The following EYS variants were observed in gnomAD, a reference collection of about 807,000 sequenced individuals.
EYS encodes EGF-like photoreceptor maintenance factor, also known as protein eyes shut homolog.
Under a neutral mutation model 282.1 loss-of-function variants are expected in EYS, and 250 were observed. The observed-to-expected ratio is 0.89, with a 90% CI of 0.80 to 0.98. EYS has a LOEUF of 0.98. Ranked by LOEUF, EYS falls within the 50% of genes least tolerant of loss-of-function variation. The pLI is 0.00. For missense variants in EYS, 4,016 were observed against 3,709.0 expected (o/e 1.08, Z -2.15); for synonymous variants, 1,355 against 1,282.9 (o/e 1.06, Z -1.20).
intron 22 of EYS, among the ~76,000 whole-genome samples, chr6:64,711,531 A>G (rs959272256): frequency 2.0e-5 from 3 of 152,250 alleles, no homozygotes; most frequent in African/African-American, 7.2e-5. Flanking sequence ...CCATTAACCA[A>G]GAAACACTGG....
In EYS at chr6:64,902,112, C is replaced by A; in HGVS notation, c.2846+1G>T. ...TAATTTAATAAAAAGTAGCTTCTCA[C>A]CTGTTTGTCAGATCCACACATGTTC... On this transcript the variant is annotated splice_donor_variant, in intron 18 of 42. Transcript: ENST00000503581. LOFTEE classifies it high-confidence loss of function. 1 of 1,534,040 alleles carries A rather than the reference C, an allele frequency of 6.5e-7. No individual in the cohort carries two copies. Among genetic ancestry groups the A allele is most frequent in the Non-Finnish European group, 8.8e-7 (1 of 1,137,196 alleles).
intron 2 of EYS, among the ~76,000 whole-genome samples, chr6:65,572,393 T>C (rs1057476424): frequency 6.6e-6 from 1 of 152,042 alleles, no homozygotes; most frequent in Non-Finnish European, 1.5e-5. Flanking sequence ...AAAATAATAA[T>C]AAACAATGTT....
Position 65,206,525 on chromosome 6 carries a change from C to T in EYS, c.2023+89338G>A, listed in dbSNP as rs144729282. On this transcript the variant is annotated intron_variant, in intron 12 of 42. Coordinates refer to ENST00000503581, the MANE Select transcript of EYS (RefSeq NM_001142800.2). Reference sequence around the variant, plus strand: ...TTTGGGAAGGGATTCCTCCCTAACTCATTCTCTGAAACAAGTATCACTGTA... The same window carrying T: ...TTTGGGAAGGGATTCCTCCCTAACTTATTCTCTGAAACAAGTATCACTGTA... Among the ~76,000 whole-genome samples, 352 of 151,920 alleles carry T rather than the reference C, an allele frequency of 2.3e-3. 3 individuals carry two copies. Among genetic ancestry groups the T allele is most frequent in the African/African-American group, 8.2e-3 (339 of 41,540 alleles).
intron 27 of EYS, among the ~76,000 whole-genome samples, chr6:64,438,623 T>C (rs1427178136): frequency 3.3e-5 from 5 of 150,184 alleles, no homozygotes; most frequent in African/African-American, 1.2e-4. Context: ...AACTGGTCAA[T>C]AAAGAAGTAG....
intron 14 of EYS, among the ~76,000 whole-genome samples, chr6:64,984,062 G>T (rs1212304873): frequency 1.3e-5 from 2 of 151,402 alleles, no homozygotes; most frequent in Admixed American, 6.6e-5. Context: ...TTATTCAAAA[G>T]AAAATGAAAA....
At chr6:64,261,012 T>G (rs900670042) in intron 30 of EYS, among the ~76,000 whole-genome samples, 3 of 15,268 alleles carry the variant, frequency 2.0e-4, no homozygotes, top group Admixed American at 6.1e-4. Flanking sequence ...GCACTTATCA[T>G]TTTTTTGTGT....
chr6:65,415,275 T>C (rs1324220623), intron 5 of EYS, among the ~76,000 whole-genome samples: 2 of 152,000 alleles, frequency 1.3e-5, no homozygotes, highest in Non-Finnish European at 2.9e-5. Context: ...AGAATCAAGA[T>C]TTCACCTGGT....
At chr6:64,917,723 A>G (rs1768209873) in intron 15 of EYS, among the ~76,000 whole-genome samples, 1 of 152,170 alleles carries the variant, frequency 6.6e-6, no homozygotes, top group Non-Finnish European at 1.5e-5. Context: ...AACTATGTGA[A>G]GTAATGCATA....
intron 22 of EYS, among the ~76,000 whole-genome samples, chr6:64,790,231 C>A (rs1562193180): frequency 6.6e-6 from 1 of 151,876 alleles, no homozygotes; most frequent in Non-Finnish European, 1.5e-5. Context: ...AGAATAAGGT[C>A]TTTAAATATC....
intron 12 of EYS, among the ~76,000 whole-genome samples, chr6:65,135,404 C>T (rs1448205485): frequency 6.6e-6 from 1 of 151,630 alleles, no homozygotes; most frequent in Non-Finnish European, 1.5e-5. Context: ...ATTTAATATG[C>T]AAAAACTTGT....
At chr6:63,875,518 A>G (rs1374639650) in intron 35 of EYS, among the ~76,000 whole-genome samples, 3 of 152,030 alleles carry the variant, frequency 2.0e-5, no homozygotes, top group Non-Finnish European at 2.9e-5. Context: ...CTCTTTTTCT[A>G]TTGATTGGAG....
chr6:65,345,358 T>C (rs1457337215), intron 9 of EYS, among the ~76,000 whole-genome samples: 1 of 151,724 alleles, frequency 6.6e-6, no homozygotes, highest in Non-Finnish European at 1.5e-5. Context: ...ATTCTGAGAG[T>C]AATTAACTCA....
chr6:65,668,699 T>C (rs1226969479), intron 1 of EYS, among the ~76,000 whole-genome samples: 2 of 151,904 alleles, frequency 1.3e-5, no homozygotes, highest in Non-Finnish European at 2.9e-5. Flanking sequence ...CCATACAATA[T>C]AAAGATTACC....
At chr6:65,242,009 C>T (rs1324894964) in intron 12 of EYS, among the ~76,000 whole-genome samples, 5 of 151,848 alleles carry the variant, frequency 3.3e-5, no homozygotes, top group African/African-American at 4.8e-5. Context: ...TGTGCAAATT[C>T]CAGCAAAATT....
chr6:65,615,940 G>GA (rs1174540657), intron 2 of EYS, among the ~76,000 whole-genome samples: 3 of 29,066 alleles, frequency 1.0e-4, no homozygotes, highest in African/African-American at 2.1e-4. Context: ...TCTCAAAAAA[G>GA]AAAAAAAAAA....
chr6:65,412,936 TG>T (rs1767081140), intron 5 of EYS, among the ~76,000 whole-genome samples: 2 of 152,232 alleles, frequency 1.3e-5, no homozygotes, highest in East Asian at 3.9e-4. Context: ...GATTTCAAAA[TG>T]GGGAGAACTG....
chr6:65,589,231 T>C (rs1323311760), intron 2 of EYS, among the ~76,000 whole-genome samples: 1 of 152,074 alleles, frequency 6.6e-6, no homozygotes, highest in Non-Finnish European at 1.5e-5. Flanking sequence ...TGTTGTACTC[T>C]ACTTCCAACC....
chr6:63,827,026 C>A (rs1450249649), intron 36 of EYS, among the ~76,000 whole-genome samples: 1 of 152,174 alleles, frequency 6.6e-6, no homozygotes, highest in Non-Finnish European at 1.5e-5. Context: ...CTGCTGCCTG[C>A]AGGAGACTCA....
chr6:65,469,356 A>G (rs537735292), intron 5 of EYS, among the ~76,000 whole-genome samples: 4 of 152,170 alleles, frequency 2.6e-5, no homozygotes, highest in Non-Finnish European at 5.9e-5. Context: ...ATTTCAGTGA[A>G]ATTCTTTCAG....
Sources: gnomAD v4.1 joint callset for allele counts (sites outside exome capture counted in the v4.1 genomes callset) on GRCh38, gnomAD v4.1.1 for gene constraint, MANE v1.5 for transcripts, NCBI Gene and HGNC (gene_info 2026-07-23, HGNC 2026-07-21) for gene names.